The following NAV1 variants were observed in gnomAD, a reference collection of about 807,000 sequenced individuals.
The protein encoded by NAV1 is pore membrane and/or filament interacting like protein 3.
In NAV1, 18 loss-of-function variants were observed where a neutral mutation model predicts 175.2. The observed-to-expected ratio is 0.10, with a 90% CI of 0.07 to 0.15. NAV1 has a LOEUF of 0.15. NAV1 is among the 10% of genes least tolerant of loss of function. The pLI, the probability that NAV1 is intolerant of heterozygous loss-of-function variation, is 1.00. For synonymous variants in NAV1, 897 were observed against 978.7 expected (o/e 0.92, Z 1.56); for missense variants, 1,731 against 2,436.6 (o/e 0.71, Z 6.10).
chr1:201,555,862 T>TG (rs1286299657), intron 1 of NAV1, among the ~76,000 whole-genome samples: 1 of 52,340 alleles, frequency 1.9e-5, no homozygotes, highest in Non-Finnish European at 3.5e-5. Context: ...TGAAGGGAGA[T>TG]GGGGGGCGGG....
At chr1:201,772,647 T>G (rs2102678194) in intron 3 of NAV1, among the ~76,000 whole-genome samples, 1 of 152,362 alleles carries the variant, frequency 6.6e-6, no homozygotes, top group South Asian at 2.1e-4. Flanking sequence ...TTTATTTCAT[T>G]TATACACCTT....
chr1:201,792,772 C>T (rs996290019), intron 13 of NAV1: 2 of 152,214 alleles, frequency 1.3e-5, no homozygotes, highest in Non-Finnish European at 2.9e-5. Context: ...CAAGAGGAGG[C>T]TCTAACTGGA....
At chr1:201,680,866 T>C (rs959656677) in intron 1 of NAV1, among the ~76,000 whole-genome samples, 19 of 152,244 alleles carry the variant, frequency 1.2e-4, no homozygotes, top group African/African-American at 4.6e-4. Flanking sequence ...GGCTGGCCTG[T>C]CTCCCCAGCT....
chr1:201,637,364 GAC>G (rs1458441187), intron 2 of NAV1, among the ~76,000 whole-genome samples: 3 of 152,160 alleles, frequency 2.0e-5, no homozygotes, highest in African/African-American at 7.2e-5. Flanking sequence ...CAGATAAATG[GAC>G]ATATTCACAG....
intron 3 of NAV1, among the ~76,000 whole-genome samples, chr1:201,720,627 G>A (rs1672343077): frequency 6.6e-6 from 1 of 152,160 alleles, no homozygotes; most frequent in Non-Finnish European, 1.5e-5. Context: ...GAGCAAACTG[G>A]TTCACCTCCC....
rs1033338320 is a variant in NAV1, at chr1:201,802,555, T to C, written c.3518-1038T>C. On this transcript the variant is annotated intron_variant, in intron 15 of 29. Transcript: ENST00000367296. ...CAGCACTTTGGGAGGCTGAGGTGGGTGGATCATGAGGTCAGAAGTTCAAGA... is the reference window on the plus strand; with the variant it reads ...CAGCACTTTGGGAGGCTGAGGTGGGCGGATCATGAGGTCAGAAGTTCAAGA... Among the ~76,000 whole-genome samples, 2 of 140,722 alleles carry C rather than the reference T, an allele frequency of 1.4e-5. 1 individual carries two copies. Among genetic ancestry groups the C allele is most frequent in the South Asian group, 4.5e-4 (2 of 4,438 alleles). The allele number at this position is 140,722 out of a possible 152,430, so 92.3% of individuals were successfully genotyped here.
exon 30 of NAV1, chr1:201,822,418 C>G (rs1427944534): frequency 6.6e-6 from 1 of 152,280 alleles, no homozygotes; most frequent in Non-Finnish European, 1.5e-5. Flanking sequence ...GAGCGCTTCA[C>G]TCTATTTTCT....
upstream of NAV1, among the ~76,000 whole-genome samples, chr1:201,620,797 G>T (rs1340937591): frequency 6.6e-6 from 1 of 151,852 alleles, no homozygotes. Context: ...ACCAACACTG[G>T]ATATTTTAAT....
At chr1:201,806,063 T>C (rs115402734) in intron 17 of NAV1, among the ~76,000 whole-genome samples, 2,199 of 151,612 alleles carry the variant, frequency 0.015, 48 homozygotes, top group African/African-American at 0.05. Context: ...TGGCTCACTG[T>C]AACCTCGGCC....
intron 29 of NAV1, among the ~76,000 whole-genome samples, chr1:201,818,654 A>C (rs528219683): frequency 6.6e-6 from 1 of 152,300 alleles, no homozygotes; most frequent in African/African-American, 2.4e-5. Flanking sequence ...AAGAGATACC[A>C]CTTCACATTG....
At chr1:201,766,829 G>T (rs778615079) in intron 3 of NAV1, among the ~76,000 whole-genome samples, 30 of 151,722 alleles carry the variant, frequency 2.0e-4, no homozygotes, top group Non-Finnish European at 2.9e-4. Flanking sequence ...TGTTTTTTTG[G>T]TTTTTTGTGT....
intron 1 of NAV1, among the ~76,000 whole-genome samples, chr1:201,551,796 AT>A (rs1170464427): frequency 1.3e-5 from 2 of 152,164 alleles, no homozygotes; most frequent in Non-Finnish European, 2.9e-5. Flanking sequence ...GAAAATTACC[AT>A]TGTGCATGAA....
chr1:201,695,191 A>G (rs920805049), intron 1 of NAV1, among the ~76,000 whole-genome samples: 4 of 152,216 alleles, frequency 2.6e-5, no homozygotes, highest in African/African-American at 9.6e-5. Flanking sequence ...AAAGGTGAAC[A>G]GCAAATGCCA....
chr1:201,783,894 C>T lies in NAV1; in HGVS notation c.2804+42C>T, dbSNP rs766228054. ...GCAGAACCTCGGCCTGTCTCCGTGT[C>T]TTGGGCTCATTTTGCCATTGGCAAT... On this transcript the variant is annotated intron_variant, in intron 7 of 29. Transcript: ENST00000367296. The T allele has an allele frequency of 1.9e-6, 3 of 1,539,870 alleles. No individual in the cohort carries two copies. The South Asian group carries it at 3.6e-5, about 19-fold the overall frequency.
At chr1:201,802,906 A>G (rs1558183247) in intron 15 of NAV1, among the ~76,000 whole-genome samples, 1 of 151,994 alleles carries the variant, frequency 6.6e-6, no homozygotes, top group Non-Finnish European at 1.5e-5. Context: ...ATTCCAGACT[A>G]CCCACAGTTC....
chr1:201,690,048 T>C (rs2102414859), intron 1 of NAV1, among the ~76,000 whole-genome samples: 1 of 139,308 alleles, frequency 7.2e-6, no homozygotes, highest in African/African-American at 2.7e-5. Context: ...AATGTGTCTA[T>C]TTCCTCCATG....
chr1:201,788,736 A>G lies in NAV1; in HGVS notation c.3166+98A>G. On this transcript the variant is annotated intron_variant, in intron 10 of 29. Transcript: ENST00000367296. This position sits in a 1 kb window ranked among gnomAD's most constrained non-coding sequence, Gnocchi z 5.7. The stretch of plus-strand genomic sequence containing the variant: ...CCACCACTCCTACCACCACACACAT[A>G]TATGATTCACAGAACATCAAGTTGG... The G allele has an allele frequency of 7.6e-7, 1 of 1,319,936 alleles. No individual in the cohort carries two copies. Among genetic ancestry groups the G allele is most frequent in the Non-Finnish European group, 1.0e-6 (1 of 960,800 alleles). The allele number at this position is 1,319,936 out of a possible 1,614,324, so 81.8% of individuals were successfully genotyped here.
At chr1:201,555,492 C>T in intron 1 of NAV1, among the ~76,000 whole-genome samples, 1 of 152,136 alleles carries the variant, frequency 6.6e-6, no homozygotes, top group Non-Finnish European at 1.5e-5. Flanking sequence ...AGCTGTGGAG[C>T]TACTAACAGA....
At chr1:201,714,337 C>T (rs1247482501) in intron 2 of NAV1, among the ~76,000 whole-genome samples, 1 of 152,228 alleles carries the variant, frequency 6.6e-6, no homozygotes, top group Non-Finnish European at 1.5e-5. Flanking sequence ...GACCCTTCTC[C>T]TTCTCCTTCC....
Sources: allele counts gnomAD v4.1 joint callset (sites outside exome capture counted in the v4.1 genomes callset), GRCh38; gene constraint gnomAD v4.1.1; non-coding constraint Gnocchi (gnomAD v3.1); transcripts MANE v1.5; gene names NCBI Gene and HGNC (gene_info 2026-07-23, HGNC 2026-07-21).